Variants in CACNA2D3 observed in about 807,000 individuals in gnomAD.
The protein encoded by CACNA2D3 is voltage-dependent calcium channel subunit alpha-2/delta-3.
CACNA2D3 carries 60 observed loss-of-function variants against 160.6 expected under a neutral mutation model. The observed-to-expected ratio is 0.37, with a 90% CI of 0.30 to 0.46. The LOEUF is 0.46. CACNA2D3 is among the 20% of genes least tolerant of loss of function. The probability of loss-of-function intolerance (pLI) is 1.00; values close to 1 mark genes in which losing one functional copy is unlikely to be tolerated. For synonymous variants in CACNA2D3, 558 were observed against 492.9 expected (o/e 1.13, Z -1.75); for missense variants, 1,205 against 1,365.0 (o/e 0.88, Z 1.85).
chr3:54,737,265 T>G (rs184255140), intron 11 of CACNA2D3, among the ~76,000 whole-genome samples: 1 of 150,554 alleles, frequency 6.6e-6, no homozygotes, highest in African/African-American at 2.4e-5. Flanking sequence ...TAACTGTAAA[T>G]TACACCATGT....
intron 27 of CACNA2D3, chr3:54,966,965 C>A (rs2107063855): frequency 6.6e-6 from 1 of 152,300 alleles, no homozygotes; most frequent in East Asian, 1.9e-4. Context: ...TTGCTGGAGG[C>A]AGGGGTCCAG....
intron 9 of CACNA2D3, among the ~76,000 whole-genome samples, chr3:54,601,940 T>C (rs1441154219): frequency 1.3e-5 from 2 of 151,964 alleles, no homozygotes; most frequent in African/African-American, 4.8e-5. Flanking sequence ...AGTTGCCAGT[T>C]AAAGAAAAAA....
At chr3:54,164,222 G>C (rs1420708563) in intron 2 of CACNA2D3, among the ~76,000 whole-genome samples, 1 of 152,168 alleles carries the variant, frequency 6.6e-6, no homozygotes, top group Non-Finnish European at 1.5e-5. Context: ...GCTGTCCCCT[G>C]CCTTTCCTGT....
chr3:54,677,619 T>TGG (rs1394169314), intron 11 of CACNA2D3, among the ~76,000 whole-genome samples: 3 of 131,530 alleles, frequency 2.3e-5, no homozygotes, highest in African/African-American at 8.8e-5. Context: ...TGTTTTTTTT[T>TGG]TGGGGGGGGG....
At chr3:54,688,498 T>C (rs1275809315) in intron 11 of CACNA2D3, among the ~76,000 whole-genome samples, 3 of 151,952 alleles carry the variant, frequency 2.0e-5, no homozygotes, top group South Asian at 2.1e-4. Context: ...AGGTAGATTA[T>C]TGAGTGAGGT....
chr3:54,993,205 G>A (rs973988620), intron 31 of CACNA2D3, among the ~76,000 whole-genome samples: 5 of 152,206 alleles, frequency 3.3e-5, no homozygotes, highest in Non-Finnish European at 1.5e-5. Flanking sequence ...AGGCCCCTGG[G>A]GGGCACTGGA....
intron 2 of CACNA2D3, among the ~76,000 whole-genome samples, chr3:54,225,611 C>T (rs1443656847): frequency 6.6e-6 from 1 of 152,062 alleles, no homozygotes; most frequent in East Asian, 1.9e-4. Flanking sequence ...TGTTTGAAAC[C>T]TCTTAATTTC....
At chr3:54,340,793 T>G (rs888594156) in intron 3 of CACNA2D3, among the ~76,000 whole-genome samples, 2 of 152,196 alleles carry the variant, frequency 1.3e-5, no homozygotes, top group African/African-American at 4.8e-5. Flanking sequence ...TGGAGATCTG[T>G]CCCTTCTTGA....
Position 54,453,222 on chromosome 3 carries a change from G to A in CACNA2D3, c.382-50270G>A, listed in dbSNP as rs368240878. Among the ~76,000 whole-genome samples, 15 of 152,198 alleles carry A rather than the reference G, an allele frequency of 9.9e-5. No individual in the cohort carries two copies. The South Asian group carries it at 2.9e-3, about 29-fold the overall frequency. ...TGTCCATGCTAGCCTTGAATTTCTA[G>A]GCTCAAGTTATCTGCCCTCCTTAAC... On this transcript the variant is annotated intron_variant, in intron 4 of 37. Transcript: ENST00000474759.
chr3:54,969,966 A>T (rs1452973654), intron 29 of CACNA2D3, 122 bp downstream of exon 29: 1 of 223,134 alleles, frequency 4.5e-6, no homozygotes, highest in Non-Finnish European at 7.8e-6. Context: ...GGGCCAATCT[A>T]AAAAAAAAAA....
chr3:54,225,699 C>T (rs1174682553), intron 2 of CACNA2D3, among the ~76,000 whole-genome samples: 1 of 151,930 alleles, frequency 6.6e-6, no homozygotes, highest in Non-Finnish European at 1.5e-5. Flanking sequence ...TTTTTTTGAA[C>T]CTATTAATTA....
chr3:54,974,853 G>A (rs1266914203), intron 29 of CACNA2D3, among the ~76,000 whole-genome samples: 1 of 150,014 alleles, frequency 6.7e-6, no homozygotes, highest in Non-Finnish European at 1.5e-5. Flanking sequence ...CAGGGTGACA[G>A]ATAGACATCT....
At chr3:54,377,691 T>A (rs1699034087) in intron 3 of CACNA2D3, among the ~76,000 whole-genome samples, 1 of 152,212 alleles carries the variant, frequency 6.6e-6, no homozygotes, top group East Asian at 1.9e-4. Flanking sequence ...AGACCTGGAT[T>A]CAAACTCTTG....
chr3:54,710,494 G>A (rs1267443452), intron 11 of CACNA2D3, among the ~76,000 whole-genome samples: 1 of 152,180 alleles, frequency 6.6e-6, no homozygotes, highest in Non-Finnish European at 1.5e-5. Flanking sequence ...GAGAAAGATT[G>A]AGGCAAATTG....
intron 4 of CACNA2D3, among the ~76,000 whole-genome samples, chr3:54,488,837 C>A (rs1216628318): frequency 6.6e-6 from 1 of 152,086 alleles, no homozygotes; most frequent in African/African-American, 2.4e-5. Context: ...TGTGCGATGA[C>A]CCCTGGGATA....
At chr3:54,210,876 G>T (rs759510087) in intron 2 of CACNA2D3, among the ~76,000 whole-genome samples, 2 of 152,180 alleles carry the variant, frequency 1.3e-5, no homozygotes, top group South Asian at 4.1e-4. Context: ...CTGCCAGGCT[G>T]CATCCTGAGA....
chr3:54,566,775 T>C (rs1391551994), intron 6 of CACNA2D3, among the ~76,000 whole-genome samples: 1 of 152,190 alleles, frequency 6.6e-6, no homozygotes, highest in Non-Finnish European at 1.5e-5. Context: ...ATGATTGTCT[T>C]ATCCTTGCAC....
At chr3:54,364,441 C>T (rs2107544011) in intron 3 of CACNA2D3, among the ~76,000 whole-genome samples, 1 of 152,278 alleles carries the variant, frequency 6.6e-6, no homozygotes, top group Admixed American at 6.5e-5. Flanking sequence ...ATGGAAATTT[C>T]CTGTCCTTGC....
intron 27 of CACNA2D3, chr3:54,918,315 A>G (rs1575370863): frequency 1.3e-6 from 1 of 779,568 alleles, no homozygotes; most frequent in African/African-American, 1.9e-5. Flanking sequence ...TTTTTTACAG[A>G]CACATCTTTT....
Sources: allele counts gnomAD v4.1 joint callset (sites outside exome capture counted in the v4.1 genomes callset), GRCh38; gene constraint gnomAD v4.1.1; transcripts MANE v1.5; gene names NCBI Gene and HGNC (gene_info 2026-07-23, HGNC 2026-07-21).